TCF7L1: variants seen among roughly 807,000 people sequenced by gnomAD.
The protein encoded by TCF7L1 is transcription factor 7-like 1.
Under a neutral mutation model 63.7 loss-of-function variants are expected in TCF7L1, and 18 were observed. That is an observed-to-expected ratio of 0.28 (90% confidence interval 0.20 to 0.42). The LOEUF is 0.42. Ranked by LOEUF, TCF7L1 falls within the 10% of genes least tolerant of loss-of-function variation. The pLI is 1.00. For missense variants in TCF7L1, 654 were observed against 779.3 expected (o/e 0.84, Z 1.91); for synonymous variants, 355 against 340.9 (o/e 1.04, Z -0.46).
intron 3 of TCF7L1, among the ~76,000 whole-genome samples, chr2:85,174,338 T>C (rs1235164103): frequency 2.0e-5 from 3 of 152,232 alleles, no homozygotes; most frequent in African/African-American, 7.2e-5. Flanking sequence ...TGCCAAATAC[T>C]GTACTGCATT....
intron 3 of TCF7L1, among the ~76,000 whole-genome samples, chr2:85,243,363 CG>C (rs1474948977): frequency 4.6e-5 from 7 of 152,060 alleles, no homozygotes; most frequent in Admixed American, 1.3e-4. Context: ...AACTCAGGTG[CG>C]GCTCTTAAGC....
In TCF7L1 at chr2:85,153,340, A is replaced by ATT. The variant is rs66697146; in HGVS notation, c.441+18908_441+18909dup. 2.2e-4 allele frequency among the ~76,000 whole-genome samples: 22 copies of ATT among 102,268 alleles called. 1 individual carries two copies. The highest frequency in any genetic ancestry group is 4.8e-4 in the Admixed American group (4 of 8,382). 67.1% of individuals were successfully genotyped at this position (102,268 alleles called of 152,430 possible). On this transcript the variant is annotated intron_variant, in intron 3 of 11. Coordinates refer to ENST00000282111, the MANE Select transcript of TCF7L1 (RefSeq NM_031283.3). Reference sequence around the variant, plus strand: ...TTCATGATCTTGCTAGCCTTTATAAATTTTTTTTTTTTTTTTTTTGAGATG... The same window carrying ATT: ...TTCATGATCTTGCTAGCCTTTATAAATTTTTTTTTTTTTTTTTTTTTGAGATG...
At chr2:85,197,806 C>T (rs905646654) in intron 3 of TCF7L1, among the ~76,000 whole-genome samples, 2 of 152,204 alleles carry the variant, frequency 1.3e-5, no homozygotes, top group African/African-American at 4.8e-5. Flanking sequence ...TGAGCAGCCT[C>T]CTGGTTGTGC....
intron 3 of TCF7L1, among the ~76,000 whole-genome samples, chr2:85,226,737 A>G (rs62165586): frequency 0.23 from 34,880 of 151,572 alleles, 4,961 homozygotes; most frequent in Non-Finnish European, 0.33. Flanking sequence ...CTCAGAACAC[A>G]GTTTGTGGTT....
At chr2:85,279,825 T>C (rs1681368545) in intron 3 of TCF7L1, among the ~76,000 whole-genome samples, 1 of 152,180 alleles carries the variant, frequency 6.6e-6, no homozygotes, top group Non-Finnish European at 1.5e-5. Flanking sequence ...TGCTCACTGT[T>C]CCCAGGACCA....
At chr2:85,150,438 TAGAC>T (rs1677982008) in intron 3 of TCF7L1, among the ~76,000 whole-genome samples, 1 of 152,150 alleles carries the variant, frequency 6.6e-6, no homozygotes, top group South Asian at 2.1e-4. Context: ...TTCACCGTGT[TAGAC>T]AGGATGGTCT....
In TCF7L1 at chr2:85,239,961, AC is replaced by A. The variant is rs374626138; in HGVS notation, c.442-43533del. On this transcript the variant is annotated intron_variant, in intron 3 of 11. Transcript: ENST00000282111. ...ACTCCATCTAAAAAAAAAAAAAAAA[AC>A]AAAAAAAAAACAAGAATGAAAAGGA... 2.7e-3 allele frequency among the ~76,000 whole-genome samples: 336 copies of A among 126,624 alleles called. 7 individuals carry two copies. The highest frequency in any genetic ancestry group is 5.1e-3 in the African/African-American group (178 of 35,080). The allele number at this position is 126,624 out of a possible 152,430, so 83.1% of individuals were successfully genotyped here.
chr2:85,303,100 A>G (rs1682024031), intron 5 of TCF7L1, among the ~76,000 whole-genome samples: 1 of 152,124 alleles, frequency 6.6e-6, no homozygotes, highest in Non-Finnish European at 1.5e-5. Context: ...GTGTGATCTC[A>G]GCTCACTGCA....
chr2:85,272,000 G>A (rs1336452131), intron 3 of TCF7L1, among the ~76,000 whole-genome samples: 1 of 152,148 alleles, frequency 6.6e-6, no homozygotes, highest in Non-Finnish European at 1.5e-5. Flanking sequence ...GTCAATGTGA[G>A]GCAAAGCAAC....
intron 3 of TCF7L1, among the ~76,000 whole-genome samples, chr2:85,252,674 A>G (rs180916015): frequency 1.1e-4 from 17 of 152,354 alleles, no homozygotes; most frequent in Admixed American, 3.9e-4. Flanking sequence ...GCTTGCACAC[A>G]AACAGTGTCA....
intron 3 of TCF7L1, chr2:85,232,873 C>T (rs1680114914): frequency 6.6e-6 from 1 of 152,182 alleles, no homozygotes; most frequent in African/African-American, 2.4e-5. Context: ...TACAGCTTGG[C>T]AGGTGTAACT....
Position 85,134,280 on chromosome 2 carries a change from T to C in TCF7L1, c.314-43T>C, listed in dbSNP as rs1397255904. The C allele has an allele frequency of 6.5e-7, 1 of 1,544,956 alleles. No homozygotes were observed. The highest frequency in any genetic ancestry group is 1.4e-5 in the African/African-American group (1 of 72,994). On this transcript the variant is annotated intron_variant, in intron 2 of 11. Transcript: ENST00000282111. The surrounding 1 kb of genome is among the most constrained non-coding windows in gnomAD (Gnocchi z 5.0). Reference sequence around the variant, plus strand: ...GAGCCCCCTGCCGCGGCGCTGTCAGTCCCGGGGGCCTGGGCCTCACCTCGC... The same window carrying C: ...GAGCCCCCTGCCGCGGCGCTGTCAGCCCCGGGGGCCTGGGCCTCACCTCGC...
chr2:85,153,630 T>C lies in TCF7L1; in HGVS notation c.441+19180T>C, dbSNP rs369904555. ...TCCTGGGATTACAGGCGTGAGCCACTGCACCCGGCTAGCCTCTATAAAATT... is the reference window on the plus strand; with the variant it reads ...TCCTGGGATTACAGGCGTGAGCCACCGCACCCGGCTAGCCTCTATAAAATT... On this transcript the variant is annotated intron_variant, in intron 3 of 11. Transcript: ENST00000282111. 9.1e-4 allele frequency among the ~76,000 whole-genome samples: 139 copies of C among 152,202 alleles called. 5 individuals carry two copies. In the South Asian group the frequency reaches 0.028, roughly 31 times the overall value.
intron 3 of TCF7L1, among the ~76,000 whole-genome samples, chr2:85,146,925 C>G (rs1482662807): frequency 6.6e-6 from 1 of 152,174 alleles, no homozygotes; most frequent in Non-Finnish European, 1.5e-5. Flanking sequence ...CTTAATCTTT[C>G]TTTGCTTTTC....
intron 3 of TCF7L1, among the ~76,000 whole-genome samples, chr2:85,215,639 A>G (rs1363270962): frequency 6.6e-6 from 1 of 152,028 alleles, no homozygotes; most frequent in Non-Finnish European, 1.5e-5. Context: ...ACTGTGATTT[A>G]TAGATTGCTC....
rs759894342 is a variant in TCF7L1, at chr2:85,306,194, G to A, written c.990-12G>A. 3.0e-5 allele frequency: 49 copies of A among 1,613,862 alleles called. No homozygotes were observed. The highest frequency in any genetic ancestry group is 3.3e-5 in the South Asian group (3 of 91,072). On this transcript the variant is annotated splice_polypyrimidine_tract_variant and intron_variant, in intron 8 of 11. Coordinates refer to ENST00000282111, the MANE Select transcript of TCF7L1 (RefSeq NM_031283.3). This position sits in a 1 kb window ranked among gnomAD's most constrained non-coding sequence, Gnocchi z 4.3. ...ACCTGACATGCTAACCTACAACCAC[G>A]TGCCTTCCCAGGAAATCACCAGTCA...
At chr2:85,307,866 T>G (rs1682154894) in intron 11 of TCF7L1, 149 bp downstream of exon 11, 1 of 659,500 alleles carries the variant, frequency 1.5e-6, no homozygotes, top group Non-Finnish European at 2.7e-6. Flanking sequence ...GGTGGCCACT[T>G]AAGAGGCTCT....
At position 85,256,108 on chromosome 2, in the gene TCF7L1, G is replaced by A. The variant is rs536371867; in HGVS notation, c.442-27387G>A. Among the ~76,000 whole-genome samples, 19 of 152,344 alleles carry A rather than the reference G, an allele frequency of 1.2e-4. No individual in the cohort carries two copies. In the South Asian group the frequency reaches 3.9e-3, roughly 32 times the overall value. ...ATTCATGGCTCAGGAGGGGAGGAGG[G>A]GTGGGCGCAGGAGCAGGCCCGGCCT... On this transcript the variant is annotated intron_variant, in intron 3 of 11. Coordinates refer to ENST00000282111, the MANE Select transcript of TCF7L1 (RefSeq NM_031283.3).
Position 85,139,301 on chromosome 2 carries a change from C to A in TCF7L1, c.441+4851C>A, listed in dbSNP as rs1313696240. On this transcript the variant is annotated intron_variant, in intron 3 of 11. Transcript: ENST00000282111. ...GGATTACAGGCGTGAGCCACTGCGC[C>A]CAGCCTAGATTTGCACTCTTAAAAC... 2.0e-5 allele frequency among the ~76,000 whole-genome samples: 3 copies of A among 152,352 alleles called. 1 individual carries two copies. The Middle Eastern group carries it at 0.01, about 518-fold the overall frequency.
Sources: allele counts gnomAD v4.1 joint callset (sites outside exome capture counted in the v4.1 genomes callset), GRCh38; gene constraint gnomAD v4.1.1; non-coding constraint Gnocchi (gnomAD v3.1); transcripts MANE v1.5; gene names NCBI Gene and HGNC (gene_info 2026-07-23, HGNC 2026-07-21).